Variants in MSRA observed in about 807,000 individuals in gnomAD.
MSRA encodes methionine sulfoxide reductase A.
Under a neutral mutation model 31.3 loss-of-function variants are expected in MSRA, and 54 were observed. That is an observed-to-expected ratio of 1.73 (90% CI 1.39 to 2.17). The LOEUF (loss-of-function observed/expected upper bound fraction) is 2.17. MSRA is among the 30% of genes most tolerant of loss of function. MSRA has a pLI of 0.00. For synonymous variants in MSRA, 169 were observed against 116.5 expected, an observed-to-expected ratio of 1.45 and a Z score of -2.90; for missense variants, 507 against 300.9, an observed-to-expected ratio of 1.69 and a Z score of -5.07.
At chr8:10,202,129 T>G (rs764530771) in intron 1 of MSRA, among the ~76,000 whole-genome samples, 15 of 152,246 alleles carry the variant, frequency 9.9e-5, no homozygotes, top group Non-Finnish European at 1.9e-4. Context: ...TTGAAACAAA[T>G]TTGTAAATGG....
At chr8:10,196,352 G>T (rs761164419) in intron 1 of MSRA, among the ~76,000 whole-genome samples, 10 of 152,128 alleles carry the variant, frequency 6.6e-5, no homozygotes, top group Non-Finnish European at 1.0e-4. Context: ...GATAGGATGA[G>T]CAAGTTCCTC....
intron 1 of MSRA, among the ~76,000 whole-genome samples, chr8:10,082,869 G>A (rs532714307): frequency 2.0e-5 from 3 of 152,346 alleles, no homozygotes; most frequent in Admixed American, 6.5e-5. Flanking sequence ...AACAGAGTAG[G>A]AATTCAATCA....
chr8:10,087,208 A>G (rs547375990), intron 1 of MSRA, among the ~76,000 whole-genome samples: 9 of 152,306 alleles, frequency 5.9e-5, no homozygotes, highest in African/African-American at 2.2e-4. Flanking sequence ...ATTTCAGCAT[A>G]CTATAAATAC....
intron 5 of MSRA, among the ~76,000 whole-genome samples, chr8:10,402,308 C>G (rs1040911329): frequency 6.6e-6 from 1 of 152,216 alleles, no homozygotes; most frequent in African/African-American, 2.4e-5. Context: ...CCCTGGCCTC[C>G]TATTCCAGCT....
intron 1 of MSRA, among the ~76,000 whole-genome samples, chr8:10,139,791 C>A (rs1318824822): frequency 1.3e-5 from 2 of 152,178 alleles, no homozygotes; most frequent in African/African-American, 4.8e-5. Flanking sequence ...GAGGTTATTT[C>A]TATATCCTTG....
chr8:10,415,292 G>A (rs927952391), intron 5 of MSRA, among the ~76,000 whole-genome samples: 3 of 152,164 alleles, frequency 2.0e-5, no homozygotes, highest in African/African-American at 7.2e-5. Context: ...AATTTGTGAG[G>A]TGTGGGGAGG....
chr8:10,220,355 A>T (rs1478745780), intron 2 of MSRA, among the ~76,000 whole-genome samples: 2 of 152,144 alleles, frequency 1.3e-5, no homozygotes, highest in African/African-American at 2.4e-5. Flanking sequence ...TGGGATTCCA[A>T]CATTCATGAT....
chr8:10,343,046 C>CAG (rs1272266728), intron 5 of MSRA, among the ~76,000 whole-genome samples: 8 of 100,768 alleles, frequency 7.9e-5, no homozygotes, highest in Admixed American at 2.3e-4. Context: ...CACACACACA[C>CAG]ACACACAGAC....
intron 3 of MSRA, among the ~76,000 whole-genome samples, chr8:10,285,636 C>G (rs1231964317): frequency 6.6e-6 from 1 of 152,000 alleles, no homozygotes; most frequent in Non-Finnish European, 1.5e-5. Context: ...CAGTCTCTCC[C>G]TATATCCCCT....
intron 5 of MSRA, among the ~76,000 whole-genome samples, chr8:10,331,729 C>T (rs934737598): frequency 2.0e-5 from 3 of 152,146 alleles, no homozygotes; most frequent in Non-Finnish European, 4.4e-5. Context: ...TGCTTAATCC[C>T]TTATATAAAA....
intron 5 of MSRA, among the ~76,000 whole-genome samples, chr8:10,386,281 C>T (rs1203562409): frequency 1.3e-5 from 2 of 152,188 alleles, no homozygotes; most frequent in African/African-American, 2.4e-5. Context: ...AGGTCTGATT[C>T]CAGACTCTTC....
intron 4 of MSRA, among the ~76,000 whole-genome samples, chr8:10,307,469 G>T (rs1225571472): frequency 6.6e-6 from 1 of 152,064 alleles, no homozygotes; most frequent in Admixed American, 6.6e-5. Flanking sequence ...CCCAGCTGGG[G>T]TGCATATTTT....
chr8:10,084,893 C>T (rs1259097298), intron 1 of MSRA, among the ~76,000 whole-genome samples: 4 of 470 alleles, frequency 8.5e-3, no homozygotes, highest in Admixed American at 0.042. Flanking sequence ...ATAGGCTTTG[C>T]GAATTAACAT....
At chr8:10,103,319 T>C (rs1799657600) in intron 1 of MSRA, among the ~76,000 whole-genome samples, 1 of 152,216 alleles carries the variant, frequency 6.6e-6, no homozygotes, top group Admixed American at 6.5e-5. Flanking sequence ...TTCAAACCTG[T>C]AGCTTCAGGA....
At chr8:10,298,344 A>G (rs1325570266) in intron 3 of MSRA, among the ~76,000 whole-genome samples, 3 of 152,178 alleles carry the variant, frequency 2.0e-5, no homozygotes, top group African/African-American at 4.8e-5. Flanking sequence ...CCTTGAGGAC[A>G]TTACGCCGAG....
At chr8:10,146,817 T>A (rs755486368) in intron 1 of MSRA, among the ~76,000 whole-genome samples, 1 of 152,152 alleles carries the variant, frequency 6.6e-6, no homozygotes, top group Non-Finnish European at 1.5e-5. Flanking sequence ...GACATAGCGT[T>A]CAGCTGGAAG....
chr8:10,373,634 G>T (rs1805598617), intron 5 of MSRA, among the ~76,000 whole-genome samples: 1 of 152,270 alleles, frequency 6.6e-6, no homozygotes, highest in Non-Finnish European at 1.5e-5. Context: ...ATCAGGGTTG[G>T]CTTGCATGGG....
chr8:10,386,054 C>T (rs923300687), intron 5 of MSRA, among the ~76,000 whole-genome samples: 5 of 152,172 alleles, frequency 3.3e-5, no homozygotes, highest in Non-Finnish European at 7.3e-5. Flanking sequence ...ATGGCAGTCT[C>T]GTCAATACCC....
At chr8:10,356,531 T>C (rs1410181880) in intron 5 of MSRA, among the ~76,000 whole-genome samples, 1 of 152,228 alleles carries the variant, frequency 6.6e-6, no homozygotes, top group African/African-American at 2.4e-5. Context: ...CTGAATGCTA[T>C]GTCCCACTCA....
Sources: gnomAD v4.1 joint callset for allele counts (sites outside exome capture counted in the v4.1 genomes callset) on GRCh38, gnomAD v4.1.1 for gene constraint, MANE v1.5 for transcripts, NCBI Gene and HGNC (gene_info 2026-07-23, HGNC 2026-07-21) for gene names.